Variants in COL23A1 observed in about 807,000 individuals in gnomAD.
COL23A1 encodes the protein collagen alpha-1(XXIII) chain.
A neutral mutation model predicts 99.3 loss-of-function variants in COL23A1; 97 were observed. The ratio of observed to expected loss-of-function variants is 0.98; its 90% confidence interval spans 0.83 to 1.16. The LOEUF (loss-of-function observed/expected upper bound fraction) is 1.16. Among genes scored for constraint, COL23A1 ranks in the 50% most tolerant of loss-of-function variants. The pLI, the probability that COL23A1 is intolerant of heterozygous loss-of-function variation, is 0.00. For synonymous variants in COL23A1, 320 were observed against 308.2 expected, an observed-to-expected ratio of 1.04 and a Z score of -0.40; for missense variants, 762 against 757.4, an observed-to-expected ratio of 1.01 and a Z score of -0.07.
chr5:178,427,958 T>C (rs1766041699), intron 2 of COL23A1, among the ~76,000 whole-genome samples: 1 of 152,198 alleles, frequency 6.6e-6, no homozygotes, highest in South Asian at 2.1e-4. Flanking sequence ...CTGTGGAGTT[T>C]GGGTGATGGC....
intron 2 of COL23A1, among the ~76,000 whole-genome samples, chr5:178,431,860 T>C (rs1026711959): frequency 2.0e-5 from 3 of 152,224 alleles, no homozygotes; most frequent in Non-Finnish European, 4.4e-5. Flanking sequence ...TTGTCACACA[T>C]TGGCAGTCAC....
chr5:178,562,950 G>C (rs1351160711), intron 1 of COL23A1, among the ~76,000 whole-genome samples: 1 of 151,848 alleles, frequency 6.6e-6, no homozygotes, highest in African/African-American at 2.4e-5. Flanking sequence ...GCACTGATTG[G>C]TGCATTTTTA....
At chr5:178,445,875 A>AAT (rs1261946695) in intron 2 of COL23A1, among the ~76,000 whole-genome samples, 2 of 152,140 alleles carry the variant, frequency 1.3e-5, no homozygotes, top group Non-Finnish European at 2.9e-5. Context: ...ACCATTTTGC[A>AAT]ATATATATTC....
chr5:178,285,635 C>T (rs1757110221), intron 5 of COL23A1, among the ~76,000 whole-genome samples: 1 of 152,224 alleles, frequency 6.6e-6, no homozygotes, highest in South Asian at 2.1e-4. Flanking sequence ...TAACCCCGCT[C>T]TGCAGGTGTG....
chr5:178,436,342 G>A (rs887912116), intron 2 of COL23A1, among the ~76,000 whole-genome samples: 4 of 152,020 alleles, frequency 2.6e-5, no homozygotes, highest in South Asian at 2.1e-4. Context: ...CCAGGCAGCC[G>A]GTGTCCAGGT....
At chr5:178,385,842 T>A (rs1763642248) in intron 2 of COL23A1, among the ~76,000 whole-genome samples, 1 of 152,258 alleles carries the variant, frequency 6.6e-6, no homozygotes. Flanking sequence ...AAAGTTCCCG[T>A]GTCGGCTGCC....
chr5:178,402,765 C>T (rs1764517641), intron 2 of COL23A1, among the ~76,000 whole-genome samples: 1 of 151,732 alleles, frequency 6.6e-6, no homozygotes, highest in South Asian at 2.1e-4. Context: ...GATGGATAAA[C>T]CCTGATTTGC....
chr5:178,240,452 G>A (rs2913854), intron 27 of COL23A1, among the ~76,000 whole-genome samples: 96,868 of 152,128 alleles, frequency 0.64, 32,189 homozygotes, highest in Middle Eastern at 0.78. Flanking sequence ...AGCAGGCCAG[G>A]CCGCCTACCG....
intron 2 of COL23A1, among the ~76,000 whole-genome samples, chr5:178,393,844 T>G (rs1339730456): frequency 1.3e-5 from 2 of 152,042 alleles, no homozygotes; most frequent in Non-Finnish European, 2.9e-5. Flanking sequence ...CCAGGCTGGT[T>G]TCAAACTCCT....
At chr5:178,460,637 T>C (rs2672823) in intron 2 of COL23A1, among the ~76,000 whole-genome samples, 114,808 of 152,100 alleles carry the variant, frequency 0.75, 44,373 homozygotes, top group Non-Finnish European at 0.84. Flanking sequence ...ATGCTTTCCA[T>C]GCAGTCTGAC....
At chr5:178,555,543 T>C (rs1562085937) in intron 2 of COL23A1, among the ~76,000 whole-genome samples, 1 of 152,172 alleles carries the variant, frequency 6.6e-6, no homozygotes, top group Admixed American at 6.5e-5. Context: ...CAGCTGCACC[T>C]CAGACCTTTC....
At position 178,511,376 on chromosome 5, in the gene COL23A1, G is replaced by A. The variant is rs1447286875; in HGVS notation, c.361+49306C>T. Among the ~76,000 whole-genome samples, 4 of 152,280 alleles carry A rather than the reference G, an allele frequency of 2.6e-5. No individual in the cohort carries two copies. The South Asian group carries it at 8.3e-4, about 32-fold the overall frequency. On this transcript the variant is annotated intron_variant, in intron 2 of 28. Coordinates refer to ENST00000390654, the MANE Select transcript of COL23A1 (RefSeq NM_173465.4). ...CAGGTCAAAGGAGGTCTCCAGGCTG[G>A]AAACTACTCCTTTGAAAGAGAAGAC...
intron 2 of COL23A1, among the ~76,000 whole-genome samples, chr5:178,400,422 C>T (rs1043330942): frequency 1.3e-5 from 2 of 148,482 alleles, no homozygotes; most frequent in African/African-American, 5.0e-5. Context: ...CTTTTTGGTG[C>T]ACCGTTCTTT....
chr5:178,459,867 A>C (rs954634435), intron 2 of COL23A1, among the ~76,000 whole-genome samples: 5 of 152,190 alleles, frequency 3.3e-5, no homozygotes, highest in Non-Finnish European at 7.3e-5. Flanking sequence ...GGATGGAAAA[A>C]AGCTACAAAA....
rs142526062 is a variant in COL23A1, at chr5:178,587,016, T to C, written c.294+2888A>G. Among the ~76,000 whole-genome samples the C allele has an allele frequency of 4.9e-4, 75 of 152,372 alleles. 1 individual carries two copies. The East Asian group carries it at 0.011, about 23-fold the overall frequency. The stretch of plus-strand genomic sequence containing the variant: ...ACAATAAATCCATTGTAAGCTGGCA[T>C]GGTCTCCTCTGAATACAACTAAATA... On this transcript the variant is annotated intron_variant, in intron 1 of 28. Transcript: ENST00000390654.
At chr5:178,543,062 G>C (rs2113353206) in intron 2 of COL23A1, among the ~76,000 whole-genome samples, 1 of 151,970 alleles carries the variant, frequency 6.6e-6, no homozygotes, top group Admixed American at 6.5e-5. Context: ...GGAGCTGTGT[G>C]TGTTCGAGGG....
rs1182085089 is a variant in COL23A1 at position 178,255,332 on chromosome 5, T to C, written c.883-306A>G. 2.0e-5 allele frequency among the ~76,000 whole-genome samples: 3 copies of C among 152,162 alleles called. No homozygotes were observed. The highest frequency in any genetic ancestry group is 7.2e-5 in the African/African-American group (3 of 41,430). On this transcript the variant is annotated intron_variant, in intron 15 of 28. Coordinates refer to ENST00000390654, the MANE Select transcript of COL23A1 (RefSeq NM_173465.4). The surrounding 1 kb of genome is among the most constrained non-coding windows in gnomAD (Gnocchi z 4.2). ...GATTTTGATGTGACGCTCTTCAGAT[T>C]TTTCAATGTTGGCAACAAACAGAAA...
At chr5:178,583,443 C>T (rs896403277) in intron 1 of COL23A1, among the ~76,000 whole-genome samples, 34 of 152,210 alleles carry the variant, frequency 2.2e-4, no homozygotes, top group Non-Finnish European at 1.0e-4. Context: ...TCAGCTTTCA[C>T]TTCTTGGTCC....
intron 2 of COL23A1, among the ~76,000 whole-genome samples, chr5:178,363,629 C>T (rs1429573487): frequency 6.6e-6 from 1 of 152,210 alleles, no homozygotes; most frequent in Non-Finnish European, 1.5e-5. Context: ...TTAAACACTC[C>T]CTCGACCCAC....
Sources: gnomAD v4.1 joint callset for allele counts (sites outside exome capture counted in the v4.1 genomes callset) on GRCh38, gnomAD v4.1.1 for gene constraint, Gnocchi (gnomAD v3.1) non-coding constraint, MANE v1.5 for transcripts, NCBI Gene and HGNC (gene_info 2026-07-23, HGNC 2026-07-21) for gene names.